The following HSD17B12 variants were observed in gnomAD, a reference collection of about 807,000 sequenced individuals.
HSD17B12 encodes the protein very-long-chain 3-oxoacyl-CoA reductase.
A neutral mutation model predicts 39.3 loss-of-function variants in HSD17B12; 32 were observed. The ratio of observed to expected loss-of-function variants is 0.81; its 90% CI spans 0.61 to 1.09. HSD17B12 has a LOEUF of 1.09. Ranked by LOEUF, HSD17B12 falls within the 50% of genes least tolerant of loss-of-function variation. The probability of loss-of-function intolerance (pLI) is 0.00; values close to 1 mark genes in which losing one functional copy is unlikely to be tolerated. For synonymous variants in HSD17B12, 150 were observed against 146.7 expected (o/e 1.02, Z -0.16); for missense variants, 342 against 382.9 (o/e 0.89, Z 0.89).
chr11:43,589,799 A>G, the HSD17B12 span, among the ~76,000 whole-genome samples: 1 of 152,244 alleles, frequency 6.6e-6, no homozygotes, highest in East Asian at 1.9e-4. Flanking sequence ...TTTGAAGACC[A>G]GTGAGATTTA....
chr11:43,618,782 A>G, the HSD17B12 span, among the ~76,000 whole-genome samples: 151,694 of 152,260 alleles, frequency 1, 75,568 homozygotes, highest in Middle Eastern at 1. Context: ...TGAGGACTTC[A>G]GAACTAGAAG....
chr11:43,593,502 A>G, the HSD17B12 span, among the ~76,000 whole-genome samples: 1 of 152,192 alleles, frequency 6.6e-6, no homozygotes, highest in South Asian at 2.1e-4. Context: ...TAAAATTTTC[A>G]TCTCCAGCCT....
chr11:43,634,843 C>T, the HSD17B12 span, among the ~76,000 whole-genome samples: 88 of 152,180 alleles, frequency 5.8e-4, no homozygotes, highest in African/African-American at 2.0e-3. Flanking sequence ...TTTAAGAACG[C>T]GTGTGTACTG....
At chr11:43,694,637 A>G (rs1406849718) in intron 1 of HSD17B12, among the ~76,000 whole-genome samples, 2 of 152,122 alleles carry the variant, frequency 1.3e-5, no homozygotes, top group Non-Finnish European at 2.9e-5. Context: ...GCAGTGAGCC[A>G]TGATTGCACC....
chr11:43,708,086 T>A (rs1950031836), intron 1 of HSD17B12, among the ~76,000 whole-genome samples: 1 of 152,206 alleles, frequency 6.6e-6, no homozygotes, highest in Admixed American at 6.5e-5. Flanking sequence ...ACATTGGAGA[T>A]TTAAGCTTCA....
intron 1 of HSD17B12, among the ~76,000 whole-genome samples, chr11:43,743,364 G>A (rs149714483): frequency 3.0e-4 from 45 of 152,278 alleles, no homozygotes; most frequent in Non-Finnish European, 5.3e-4. Flanking sequence ...CTCATCCCCA[G>A]TCACAGCTAT....
intron 1 of HSD17B12, among the ~76,000 whole-genome samples, chr11:43,747,556 G>A (rs1032304184): frequency 5.3e-5 from 8 of 152,188 alleles, no homozygotes; most frequent in African/African-American, 1.9e-4. Context: ...TGCTCAGAGT[G>A]AGAGCTGCTC....
the HSD17B12 span, among the ~76,000 whole-genome samples, chr11:43,610,886 ATCT>A: frequency 6.6e-6 from 1 of 152,170 alleles, no homozygotes; most frequent in African/African-American, 2.4e-5. Context: ...AATATATCAG[ATCT>A]TCAAGAGGAA....
At chr11:43,763,658 G>C (rs545816481) in intron 3 of HSD17B12, among the ~76,000 whole-genome samples, 1 of 148,986 alleles carries the variant, frequency 6.7e-6, no homozygotes, top group Non-Finnish European at 1.5e-5. Context: ...TATATAGAGA[G>C]AGAGAGAGAT....
intron 1 of HSD17B12, among the ~76,000 whole-genome samples, chr11:43,749,618 G>A (rs937068457): frequency 1.3e-5 from 2 of 151,726 alleles, no homozygotes; most frequent in African/African-American, 4.8e-5. Context: ...CTGTTCTCTG[G>A]ATATTTCAAC....
At chr11:43,798,848 C>G (rs2135046015) in intron 4 of HSD17B12, among the ~76,000 whole-genome samples, 1 of 152,254 alleles carries the variant, frequency 6.6e-6, no homozygotes, top group Non-Finnish European at 1.5e-5. Context: ...CACATCACTT[C>G]ATTTGTGCAG....
chr11:43,656,503 T>C, the HSD17B12 span, among the ~76,000 whole-genome samples: 1 of 152,186 alleles, frequency 6.6e-6, no homozygotes, highest in Non-Finnish European at 1.5e-5. Flanking sequence ...AGGGTGTCAA[T>C]TTTAGATCTT....
At chr11:43,709,871 T>A (rs907398839) in intron 1 of HSD17B12, among the ~76,000 whole-genome samples, 1 of 152,172 alleles carries the variant, frequency 6.6e-6, no homozygotes, top group East Asian at 1.9e-4. Context: ...TCAGTGTGAA[T>A]GGTGACTATG....
At chr11:43,682,500 C>T (rs528804701) in intron 1 of HSD17B12, among the ~76,000 whole-genome samples, 7 of 104,788 alleles carry the variant, frequency 6.7e-5, no homozygotes, top group South Asian at 3.0e-4. Flanking sequence ...CGAGATCATG[C>T]CACTGCACTC....
chr11:43,731,474 C>G (rs1236799701), intron 1 of HSD17B12, among the ~76,000 whole-genome samples: 1 of 152,186 alleles, frequency 6.6e-6, no homozygotes, highest in Non-Finnish European at 1.5e-5. Flanking sequence ...GAGTTATATA[C>G]AGTATTTCAA....
At chr11:43,737,339 T>A (rs1950325865) in intron 1 of HSD17B12, among the ~76,000 whole-genome samples, 1 of 152,234 alleles carries the variant, frequency 6.6e-6, no homozygotes, top group African/African-American at 2.4e-5. Context: ...GAGTAGAATA[T>A]TTTTAACCTA....
chr11:43,608,501 A>G, the HSD17B12 span, among the ~76,000 whole-genome samples: 1 of 152,182 alleles, frequency 6.6e-6, no homozygotes, highest in Non-Finnish European at 1.5e-5. Flanking sequence ...CTAACATCTT[A>G]TTGTGTGCAC....
At chr11:43,690,792 A>G (rs1278950157) in intron 1 of HSD17B12, among the ~76,000 whole-genome samples, 2 of 152,052 alleles carry the variant, frequency 1.3e-5, no homozygotes, top group East Asian at 3.9e-4. Flanking sequence ...TGTGTGCCTC[A>G]GTTTCCTCAT....
chr11:43,651,240 A>G, the HSD17B12 span, among the ~76,000 whole-genome samples: 14 of 152,240 alleles, frequency 9.2e-5, no homozygotes, highest in Admixed American at 2.6e-4. Flanking sequence ...AGTTAAAATA[A>G]ACTGAATAAA....
Sources: allele counts gnomAD v4.1 joint callset (sites outside exome capture counted in the v4.1 genomes callset), GRCh38; gene constraint gnomAD v4.1.1; transcripts MANE v1.5; gene names NCBI Gene and HGNC (gene_info 2026-07-23, HGNC 2026-07-21).